Variants in CAST observed in about 807,000 individuals in gnomAD.
The protein encoded by CAST is calpastatin.
In CAST, 76 loss-of-function variants were observed where a neutral mutation model predicts 119.6. The ratio of observed to expected loss-of-function variants is 0.64; its 90% CI spans 0.53 to 0.77. CAST has a LOEUF of 0.77. CAST is among the 30% of genes least tolerant of loss of function. The pLI is 0.00. For synonymous variants in CAST, 319 were observed against 331.6 expected (o/e 0.96, Z 0.41); for missense variants, 953 against 946.5 (o/e 1.01, Z -0.09).
At chr5:96,509,790 T>C in the CAST span, among the ~76,000 whole-genome samples, 1 of 152,226 alleles carries the variant, frequency 6.6e-6, no homozygotes, top group Non-Finnish European at 1.5e-5. Flanking sequence ...GTGAGAAATT[T>C]CTCTGTATGT....
chr5:96,067,872 T>TA, the CAST span, among the ~76,000 whole-genome samples: 1,250 of 142,890 alleles, frequency 8.7e-3, 2 homozygotes, highest in African/African-American at 0.013. Flanking sequence ...AGTTTTCCCT[T>TA]AAAAAAAAAA....
At chr5:96,557,692 C>A (rs1192102370) in intron 1 of CAST, among the ~76,000 whole-genome samples, 1 of 152,178 alleles carries the variant, frequency 6.6e-6, no homozygotes, top group East Asian at 1.9e-4. Context: ...CAGGAGCACC[C>A]AGATTCATAA....
chr5:96,556,973 C>T (rs140568693), intron 1 of CAST, among the ~76,000 whole-genome samples: 3,661 of 152,138 alleles, frequency 0.024, 155 homozygotes, highest in African/African-American at 0.083. Context: ...GGTCGGGTTA[C>T]CCACAAAGGG....
In CAST at chr5:96,633,854, G is replaced by A. The variant is rs529517201; in HGVS notation, c.61-41685G>A. Among the ~76,000 whole-genome samples, 27 of 152,282 alleles carry A rather than the reference G, an allele frequency of 1.8e-4. No individual in the cohort carries two copies. The South Asian group carries it at 4.1e-3, about 23-fold the overall frequency. On this transcript the variant is annotated intron_variant, in intron 1 of 11. Coordinates refer to the CAST transcript ENST00000505143. ...CCCAGAAACACACTCTACATCAGTCGTTCTGAGAGATGGTGTTTCAGGCCT... is the reference window on the plus strand; with the variant it reads ...CCCAGAAACACACTCTACATCAGTCATTCTGAGAGATGGTGTTTCAGGCCT...
the CAST span, among the ~76,000 whole-genome samples, chr5:96,174,189 A>G: frequency 6.6e-6 from 1 of 152,170 alleles, no homozygotes; most frequent in East Asian, 1.9e-4. Context: ...AGAGATGTTG[A>G]GATTCCCAGG....
the CAST span, among the ~76,000 whole-genome samples, chr5:96,031,893 T>A: frequency 6.6e-6 from 1 of 152,164 alleles, no homozygotes; most frequent in African/African-American, 2.4e-5. Context: ...TCAGGATGTC[T>A]CATAAGGTTG....
the CAST span, among the ~76,000 whole-genome samples, chr5:96,194,637 T>A: frequency 5.6e-4 from 86 of 152,310 alleles, no homozygotes; most frequent in African/African-American, 2.0e-3. Context: ...TTTCATTTTT[T>A]AAAAAAAGAA....
chr5:96,130,132 A>G, the CAST span, among the ~76,000 whole-genome samples: 1 of 151,644 alleles, frequency 6.6e-6, no homozygotes, highest in Non-Finnish European at 1.5e-5. Flanking sequence ...ACAATGGAGA[A>G]ACATAACAAA....
the CAST span, among the ~76,000 whole-genome samples, chr5:96,358,388 G>A: frequency 3.2e-4 from 48 of 151,934 alleles, no homozygotes; most frequent in Admixed American, 9.2e-4. Context: ...GAATTTGCTG[G>A]TTCTTGCTCC....
At chr5:96,115,594 C>G in the CAST span, among the ~76,000 whole-genome samples, 15 of 152,268 alleles carry the variant, frequency 9.9e-5, no homozygotes, top group East Asian at 2.9e-3. Flanking sequence ...TTCCAGAGTT[C>G]AAGGCAGCAG....
At chr5:96,113,016 G>C in the CAST span, among the ~76,000 whole-genome samples, 3 of 152,140 alleles carry the variant, frequency 2.0e-5, no homozygotes, top group Non-Finnish European at 4.4e-5. Flanking sequence ...AATTTGTTTA[G>C]AATCCTCCTT....
the CAST span, among the ~76,000 whole-genome samples, chr5:96,293,365 A>G: frequency 0.56 from 85,812 of 151,940 alleles, 24,800 homozygotes; most frequent in South Asian, 0.62. Flanking sequence ...TGCAACCTCC[A>G]CCTTCCGTTT....
the CAST span, among the ~76,000 whole-genome samples, chr5:96,338,898 T>G: frequency 6.6e-6 from 1 of 152,146 alleles, no homozygotes; most frequent in Non-Finnish European, 1.5e-5. Flanking sequence ...TCTGGCTCTG[T>G]AGATGGTTTG....
chr5:96,381,975 G>T, the CAST span, among the ~76,000 whole-genome samples: 9 of 152,152 alleles, frequency 5.9e-5, no homozygotes, highest in African/African-American at 1.7e-4. Context: ...ATAATGTGGC[G>T]TTAAATAAAT....
chr5:96,342,349 T>C, the CAST span, among the ~76,000 whole-genome samples: 1 of 152,206 alleles, frequency 6.6e-6, no homozygotes, highest in Non-Finnish European at 1.5e-5. Context: ...TTAGCACATA[T>C]GGAAACCAGC....
the CAST span, among the ~76,000 whole-genome samples, chr5:96,411,602 C>T: frequency 6.6e-6 from 1 of 152,132 alleles, no homozygotes; most frequent in Non-Finnish European, 1.5e-5. Context: ...CAGGCACGTG[C>T]AGAGCAGAAG....
At chr5:96,558,476 A>C (rs982908307) in intron 1 of CAST, among the ~76,000 whole-genome samples, 15 of 152,360 alleles carry the variant, frequency 9.8e-5, no homozygotes, top group Admixed American at 4.6e-4. Flanking sequence ...CTAATAAAGA[A>C]GAAAAGAGAG....
At chr5:96,186,201 A>G in the CAST span, among the ~76,000 whole-genome samples, 1 of 152,028 alleles carries the variant, frequency 6.6e-6, no homozygotes, top group African/African-American at 2.4e-5. Flanking sequence ...CATTGATTTT[A>G]TATTCTGAGA....
intron 1 of CAST, among the ~76,000 whole-genome samples, chr5:96,550,363 C>T (rs1746104605): frequency 6.6e-6 from 1 of 152,180 alleles, no homozygotes; most frequent in South Asian, 2.1e-4. Context: ...AAAGGAATAG[C>T]ATCAACATCA....
Sources: gnomAD v4.1 joint callset for allele counts (sites outside exome capture counted in the v4.1 genomes callset) on GRCh38, gnomAD v4.1.1 for gene constraint, MANE v1.5 for transcripts, NCBI Gene and HGNC (gene_info 2026-07-23, HGNC 2026-07-21) for gene names.